The following VPS13B variants were observed in gnomAD, a reference collection of about 807,000 sequenced individuals.
VPS13B encodes the protein vacuolar protein sorting 13 homolog B, also known as intermembrane lipid transfer protein VPS13B.
Under a neutral mutation model 426.4 loss-of-function variants are expected in VPS13B, and 285 were observed. The observed-to-expected ratio is 0.67, with a 90% confidence interval of 0.61 to 0.74. The LOEUF (loss-of-function observed/expected upper bound fraction) is 0.74, where lower values mean the gene tolerates loss of function less well. VPS13B is among the 30% of genes least tolerant of loss of function. VPS13B has a pLI of 0.00. For missense variants in VPS13B, 4,537 were observed against 4,782.6 expected (o/e 0.95, Z 1.51); for synonymous variants, 1,676 against 1,676.4 (o/e 1.00, Z 0.01).
chr8:99,836,213 C>T (rs949375709), intron 54 of VPS13B, among the ~76,000 whole-genome samples: 12 of 152,064 alleles, frequency 7.9e-5, no homozygotes, highest in Non-Finnish European at 1.2e-4. Flanking sequence ...TTTCTGTCTT[C>T]GTCTGGATGT....
chr8:99,055,283 G>C (rs1004910595), intron 3 of VPS13B, among the ~76,000 whole-genome samples: 2 of 152,020 alleles, frequency 1.3e-5, no homozygotes, highest in African/African-American at 2.4e-5. Context: ...AAAGCAATCT[G>C]CCTGCCTCAG....
chr8:99,053,383 A>G (rs1018279459), intron 3 of VPS13B, among the ~76,000 whole-genome samples: 1 of 152,002 alleles, frequency 6.6e-6, no homozygotes, highest in Non-Finnish European at 1.5e-5. Flanking sequence ...GAGTGAGAAC[A>G]TGCGGTTTTT....
chr8:99,640,071 GAAAAGA>G (rs1829284120), intron 33 of VPS13B, among the ~76,000 whole-genome samples: 2 of 133,438 alleles, frequency 1.5e-5, no homozygotes, highest in African/African-American at 5.5e-5. Context: ...GAAAAGAAAA[GAAAAGA>G]AAAGAAAAGA....
chr8:99,696,462 C>T lies in VPS13B; in HGVS notation c.6047-3063C>T, dbSNP rs571203462. On this transcript the variant is annotated intron_variant, in intron 35 of 61. Coordinates refer to ENST00000357162, the MANE Select transcript of VPS13B (RefSeq NM_152564.5). The stretch of plus-strand genomic sequence containing the variant: ...CCAGGCAAAGCGCAGGCAGTTTCTC[C>T]GGATCCGCGCCGACCTCCTCCGCTT... The T allele has an allele frequency of 1.7e-4, 63 of 377,002 alleles. 1 individual carries two copies. The highest frequency in any genetic ancestry group is 1.3e-3 in the South Asian group (57 of 43,906). The allele number at this position is 377,002 out of a possible 1,614,324, so 23.4% of individuals were successfully genotyped here.
chr8:99,343,997 A>T (rs1348343035), intron 19 of VPS13B, among the ~76,000 whole-genome samples: 1 of 152,246 alleles, frequency 6.6e-6, no homozygotes, highest in Non-Finnish European at 1.5e-5. Context: ...AAGACCTCAA[A>T]TAGCCAAAAC....
At chr8:99,139,173 T>C (rs1447409499) in intron 12 of VPS13B, among the ~76,000 whole-genome samples, 1 of 152,132 alleles carries the variant, frequency 6.6e-6, no homozygotes, top group Non-Finnish European at 1.5e-5. Flanking sequence ...CACCAAGAAA[T>C]AGGACATTGT....
chr8:99,670,403 A>G (rs2129873384), intron 35 of VPS13B, among the ~76,000 whole-genome samples: 1 of 152,206 alleles, frequency 6.6e-6, no homozygotes, highest in East Asian at 1.9e-4. Flanking sequence ...TGTTTTGATA[A>G]ATGTGTCATT....
intron 30 of VPS13B, among the ~76,000 whole-genome samples, chr8:99,526,458 C>T (rs534239000): frequency 9.9e-5 from 15 of 152,120 alleles, no homozygotes; most frequent in South Asian, 6.2e-4. Context: ...AAGATAGTGG[C>T]GGCTTGGGCA....
chr8:99,323,250 CAG>C (rs1563668011), intron 19 of VPS13B, among the ~76,000 whole-genome samples: 1 of 152,170 alleles, frequency 6.6e-6, no homozygotes, highest in Non-Finnish European at 1.5e-5. Context: ...ATTACAGAGA[CAG>C]AGATTTCTTA....
chr8:99,091,562 A>G (rs944788906), intron 3 of VPS13B, among the ~76,000 whole-genome samples: 3 of 152,156 alleles, frequency 2.0e-5, no homozygotes, highest in African/African-American at 7.2e-5. Context: ...ACTAAAGTTA[A>G]GGTTTTAAAT....
rs763104488 is a variant in VPS13B, at chr8:99,835,300, A to G, written c.9718A>G (p.Met3240Val). 1 of 1,612,548 alleles carries G rather than the reference A, an allele frequency of 6.2e-7. No individual in the cohort carries two copies. The highest frequency in any genetic ancestry group is 8.5e-7 in the Non-Finnish European group (1 of 1,178,614). The change falls in exon 53 of 62, where the codon ATG becomes GTG. Residue 3240 changes from methionine (M) to valine (V), a missense_variant. Around this residue, in one of 2 missense-constraint regions of VPS13B, gnomAD observed 4,311 missense variants for 4,474.3 expected, o/e 0.96. Transcript: ENST00000357162. ...TATCCACAATAGATGTCCAGTAAAA[A>G]TGCTTATAAAGGAAAACATTAAAGG... ...VIIHNRCPVKMLIKENIKDIP... is the reference protein window; with the variant it reads ...VIIHNRCPVKVLIKENIKDIP...
intron 19 of VPS13B, among the ~76,000 whole-genome samples, chr8:99,285,933 T>A (rs1259221386): frequency 1.3e-5 from 2 of 152,188 alleles, no homozygotes; most frequent in Admixed American, 1.3e-4. Context: ...GACTCAGTTG[T>A]CTGTTAATGT....
intron 3 of VPS13B, among the ~76,000 whole-genome samples, chr8:99,086,223 T>C (rs1435761283): frequency 6.6e-6 from 1 of 152,212 alleles, no homozygotes; most frequent in East Asian, 1.9e-4. Context: ...CTCCCATCAC[T>C]GATACCCTTT....
At chr8:99,491,103 G>A (rs1254785126) in intron 25 of VPS13B, among the ~76,000 whole-genome samples, 1 of 152,064 alleles carries the variant, frequency 6.6e-6, no homozygotes, top group Non-Finnish European at 1.5e-5. Flanking sequence ...GGTACTTTGT[G>A]TTTTCGTTCT....
chr8:99,689,647 A>G (rs1043343668), intron 35 of VPS13B, among the ~76,000 whole-genome samples: 1 of 152,186 alleles, frequency 6.6e-6, no homozygotes, highest in Non-Finnish European at 1.5e-5. Context: ...ATGGGATCCA[A>G]TCTATTGAAA....
intron 2 of VPS13B, among the ~76,000 whole-genome samples, chr8:99,021,456 A>G (rs1393379840): frequency 6.6e-6 from 1 of 152,046 alleles, no homozygotes; most frequent in Non-Finnish European, 1.5e-5. Context: ...CCCTGTCTCT[A>G]CTAAAAATAC....
chr8:99,602,056 G>T (rs1301369453), intron 33 of VPS13B, among the ~76,000 whole-genome samples: 1 of 152,140 alleles, frequency 6.6e-6, no homozygotes, highest in Non-Finnish European at 1.5e-5. Flanking sequence ...TGGTGTTTTA[G>T]TCATGAAGTC....
At chr8:99,505,620 A>G (rs1821459733) in intron 27 of VPS13B, among the ~76,000 whole-genome samples, 1 of 152,172 alleles carries the variant, frequency 6.6e-6, no homozygotes, top group South Asian at 2.1e-4. Flanking sequence ...TAATGTCAAA[A>G]ATCACTGATC....
chr8:99,541,944 A>G (rs1482004979), intron 30 of VPS13B, among the ~76,000 whole-genome samples: 2 of 152,236 alleles, frequency 1.3e-5, no homozygotes, highest in Admixed American at 1.3e-4. Flanking sequence ...AGACCTTTCT[A>G]GAACCTCCAC....
Sources: gnomAD v4.1 joint callset for allele counts (sites outside exome capture counted in the v4.1 genomes callset) on GRCh38, gnomAD v4.1.1 for gene constraint, gnomAD v4.1.1 regional missense constraint, MANE v1.5 for transcripts, NCBI Gene and HGNC (gene_info 2026-07-23, HGNC 2026-07-21) for gene names.